MAPK9: variants seen among roughly 807,000 people sequenced by gnomAD.
The protein encoded by MAPK9 is mitogen-activated protein kinase 9.
Under a neutral mutation model 57.1 loss-of-function variants are expected in MAPK9, and 30 were observed. The ratio of observed to expected loss-of-function variants is 0.53; its 90% CI spans 0.39 to 0.71. The LOEUF is 0.71. MAPK9 is among the 30% of genes least tolerant of loss of function. The probability of loss-of-function intolerance (pLI) is 0.00; values close to 1 mark genes in which losing one functional copy is unlikely to be tolerated. For synonymous variants in MAPK9, 155 were observed against 177.0 expected, an observed-to-expected ratio of 0.88 and a Z score of 0.99; for missense variants, 362 against 521.0, an observed-to-expected ratio of 0.69 and a Z score of 2.97.
intron 2 of MAPK9, among the ~76,000 whole-genome samples, chr5:180,273,298 GCTTAT>G (rs1299730959): frequency 4.0e-5 from 6 of 151,656 alleles, no homozygotes. Flanking sequence ...TCACATCTAT[GCTTAT>G]CTTTTCAGTT....
intron 7 of MAPK9, 41 bp from the exon 8 acceptor site, chr5:180,242,796 T>C: frequency 6.6e-7 from 1 of 1,507,300 alleles, no homozygotes; most frequent in Non-Finnish European, 9.2e-7. Context: ...AAGTACCTTG[T>C]ATTCACAGTA....
In MAPK9 at chr5:180,236,281, A is replaced by T; in HGVS notation, c.*103T>A. On this transcript the variant is annotated 3_prime_UTR_variant, in exon 12 of 12. Coordinates refer to ENST00000452135, the MANE Select transcript of MAPK9 (RefSeq NM_002752.5). ...GCAAGGCATTGTGTTTCTTACATGC[A>T]GAACATGGAGTTTTTCTATTTGGTT... 1.6e-6 allele frequency: 2 copies of T among 1,287,874 alleles called. No individual in the cohort carries two copies. The allele number at this position is 1,287,874 out of a possible 1,614,324, so 79.8% of individuals were successfully genotyped here. A position where few individuals can be genotyped will look rare whatever the true frequency, so the allele number is the denominator to read the frequency against.
intron 3 of MAPK9, among the ~76,000 whole-genome samples, chr5:180,268,081 C>G (rs1581254953): frequency 6.6e-6 from 1 of 152,100 alleles, no homozygotes; most frequent in Admixed American, 6.5e-5. Context: ...GCCTCGGCCT[C>G]CTAAAGTGCT....
intron 5 of MAPK9, among the ~76,000 whole-genome samples, chr5:180,251,406 G>A (rs549484005): frequency 1.2e-4 from 18 of 152,288 alleles, no homozygotes; most frequent in East Asian, 5.8e-4. Context: ...CCAGAAACAC[G>A]CTCATCTGAA....
Position 180,287,555 on chromosome 5 carries a change from A to C in MAPK9, c.-48+4293T>G, listed in dbSNP as rs550804892. 1.6e-4 allele frequency among the ~76,000 whole-genome samples: 25 copies of C among 152,310 alleles called. No individual in the cohort carries two copies. In the East Asian group the frequency reaches 4.8e-3, roughly 29 times the overall value. On this transcript the variant is annotated intron_variant, in intron 1 of 11. Transcript: ENST00000452135. ...ACAGGAGATGGCAGTCCTCTGGCCC[A>C]ATCTTAGGCAACATCAAACCACCTG...
intron 1 of MAPK9, among the ~76,000 whole-genome samples, chr5:180,286,310 T>C (rs1762758390): frequency 6.7e-6 from 1 of 149,514 alleles, no homozygotes; most frequent in Non-Finnish European, 1.5e-5. Flanking sequence ...CACACCCAGC[T>C]AATTTTTGTA....
chr5:180,292,052 T>TCCGCCGCTG lies in MAPK9; in HGVS notation c.-261_-253dup, dbSNP rs1246846241. 13 of 152,392 alleles carry TCCGCCGCTG rather than the reference T, an allele frequency of 8.5e-5. No individual in the cohort carries two copies. The highest frequency in any genetic ancestry group is 3.2e-4 in the African/African-American group (13 of 40,982). The allele number at this position is 152,392 out of a possible 1,614,324, so 9.4% of individuals were successfully genotyped here. A position where few individuals can be genotyped will look rare whatever the true frequency, so the allele number is the denominator to read the frequency against. ...CGACCCTTCCGGTCCCGCTCCCTTC[T>TCCGCCGCTG]CCGCCGCTGCCGCCGCCGCGGCGCC... On this transcript the variant is annotated 5_prime_UTR_variant, in exon 1 of 12. Transcript: ENST00000452135.
At chr5:180,256,397 GT>G (rs1759284097) in intron 5 of MAPK9, among the ~76,000 whole-genome samples, 1 of 151,202 alleles carries the variant, frequency 6.6e-6, no homozygotes, top group Non-Finnish European at 1.5e-5. Flanking sequence ...GTGGGCAGGG[GT>G]GGGGCAGGGG....
At chr5:180,275,109 T>A (rs1219987636) in intron 2 of MAPK9, among the ~76,000 whole-genome samples, 1 of 152,198 alleles carries the variant, frequency 6.6e-6, no homozygotes, top group Non-Finnish European at 1.5e-5. Context: ...TGCCAATATC[T>A]CCTATGGATC....
At chr5:180,248,607 C>G (rs1458894911) in intron 6 of MAPK9, among the ~76,000 whole-genome samples, 2 of 152,166 alleles carry the variant, frequency 1.3e-5, no homozygotes, top group African/African-American at 4.8e-5. Context: ...TACTGGAGAT[C>G]AGGAGATTGG....
chr5:180,244,074 C>T (rs774007748), intron 7 of MAPK9, among the ~76,000 whole-genome samples: 4 of 152,152 alleles, frequency 2.6e-5, no homozygotes, highest in Non-Finnish European at 4.4e-5. Flanking sequence ...GTCTGGAATT[C>T]CTGGCCTCAA....
chr5:180,251,747 G>GGGGCGTGACGCCTGGATCA (rs969537092), intron 5 of MAPK9, among the ~76,000 whole-genome samples: 3 of 152,236 alleles, frequency 2.0e-5, no homozygotes, highest in African/African-American at 4.8e-5. Flanking sequence ...CGCCTGGATC[G>GGGGCGTGACGCCTGGATCA]GGGCTTGGCT....
At position 180,267,494 on chromosome 5, in the gene MAPK9, G is replaced by A. The variant is rs535116494; in HGVS notation, c.252+1786C>T. On this transcript the variant is annotated intron_variant, in intron 3 of 11. Coordinates refer to ENST00000452135, the MANE Select transcript of MAPK9 (RefSeq NM_002752.5). ...GGAGAATGGCGTGAACCTGGGAGGC[G>A]GAGCTTGCAGTGAGCTGAGATCGCG... Among the ~76,000 whole-genome samples, 60 of 151,046 alleles carry A rather than the reference G, an allele frequency of 4.0e-4. No homozygotes were observed. In the Middle Eastern group the frequency reaches 0.01, roughly 26 times the overall value.
chr5:180,277,831 T>C (rs542518040), intron 2 of MAPK9, among the ~76,000 whole-genome samples: 1 of 152,318 alleles, frequency 6.6e-6, no homozygotes, highest in South Asian at 2.1e-4. Flanking sequence ...GTAACTAGAT[T>C]ATTTCCCAAT....
chr5:180,276,139 T>C (rs1462339846), intron 2 of MAPK9, among the ~76,000 whole-genome samples: 1 of 152,264 alleles, frequency 6.6e-6, no homozygotes, highest in African/African-American at 2.4e-5. Context: ...CCTCAAACCA[T>C]GTCTCCTTTA....
intron 10 of MAPK9, among the ~76,000 whole-genome samples, chr5:180,239,509 T>C (rs1482921156): frequency 6.6e-6 from 1 of 152,224 alleles, no homozygotes; most frequent in African/African-American, 2.4e-5. Flanking sequence ...TAGTTTGTTG[T>C]GGGTTGTTTG....
At position 180,261,852 on chromosome 5, in the gene MAPK9, G is replaced by T. The variant is rs184099658; in HGVS notation, c.312-30C>A. 11 of 1,574,654 alleles carry T rather than the reference G, an allele frequency of 7.0e-6. No individual in the cohort carries two copies. The East Asian group carries it at 2.3e-4, about 33-fold the overall frequency. ...GGGAGAAAAGGTCAGTTATTTATTT[G>T]AAAATTATCCAAAGTTCCTTTATGA... On this transcript the variant is annotated intron_variant, in intron 4 of 11. Coordinates refer to ENST00000452135, the MANE Select transcript of MAPK9 (RefSeq NM_002752.5).
chr5:180,268,553 C>T (rs536344081), intron 3 of MAPK9, among the ~76,000 whole-genome samples: 4 of 152,360 alleles, frequency 2.6e-5, no homozygotes, highest in East Asian at 3.9e-4. Context: ...ATCAGCCGGG[C>T]GCCATGGCTC....
In MAPK9 at chr5:180,268,254, G is replaced by A. The variant is rs565218759; in HGVS notation, c.252+1026C>T. 1.4e-4 allele frequency among the ~76,000 whole-genome samples: 22 copies of A among 152,244 alleles called. No individual in the cohort carries two copies. The East Asian group carries it at 2.1e-3, about 15-fold the overall frequency. On this transcript the variant is annotated intron_variant, in intron 3 of 11. Coordinates refer to ENST00000452135, the MANE Select transcript of MAPK9 (RefSeq NM_002752.5). ...ACATTATTTCTCCGTAAAATTTAGT[G>A]CTTTGATTTCTGTGGAGCTTCCAAG...
Sources: gnomAD v4.1 joint callset for allele counts (sites outside exome capture counted in the v4.1 genomes callset) on GRCh38, gnomAD v4.1.1 for gene constraint, MANE v1.5 for transcripts, NCBI Gene and HGNC (gene_info 2026-07-23, HGNC 2026-07-21) for gene names.